Variants in MECOM observed in about 807,000 individuals in gnomAD.
MECOM encodes the protein MDS1 and EVI1 complex locus, also known as histone-lysine N-methyltransferase MECOM.
Under a neutral mutation model 116.3 loss-of-function variants are expected in MECOM, and 13 were observed. The observed-to-expected ratio is 0.11, with a 90% confidence interval of 0.07 to 0.18. The LOEUF is 0.18. Among genes scored for constraint, MECOM ranks in the 10% least tolerant of loss-of-function variants. MECOM has a pLI of 1.00. For missense variants in MECOM, 1,299 were observed against 1,509.0 expected (o/e 0.86, Z 2.31); for synonymous variants, 528 against 535.2 (o/e 0.99, Z 0.19).
intron 2 of MECOM, among the ~76,000 whole-genome samples, chr3:169,276,640 C>G (rs1427637479): frequency 2.0e-5 from 3 of 151,742 alleles, no homozygotes; most frequent in Non-Finnish European, 4.4e-5. Context: ...TCTGCTCCCT[C>G]TCCTCAAAGG....
At chr3:169,381,053 A>T in intron 2 of MECOM, 134 bp downstream of exon 2, 1 of 789,622 alleles carries the variant, frequency 1.3e-6, no homozygotes, top group Non-Finnish European at 2.0e-6. Flanking sequence ...GAGATTGTAA[A>T]GGAAGTTTAT....
chr3:169,340,933 G>A (rs1407020396), intron 2 of MECOM, among the ~76,000 whole-genome samples: 2 of 152,116 alleles, frequency 1.3e-5, no homozygotes, highest in African/African-American at 4.8e-5. Context: ...AGACAAGCAG[G>A]TGGAACATTA....
intron 1 of MECOM, among the ~76,000 whole-genome samples, chr3:169,404,159 T>A (rs780493637): frequency 1.3e-5 from 2 of 152,192 alleles, no homozygotes; most frequent in East Asian, 1.9e-4. Flanking sequence ...TCAAGAGTTT[T>A]AAAATTTTTT....
intron 2 of MECOM, among the ~76,000 whole-genome samples, chr3:169,311,877 C>T (rs1373391282): frequency 1.3e-5 from 2 of 151,968 alleles, no homozygotes; most frequent in Admixed American, 1.3e-4. Flanking sequence ...AAGTTGATAC[C>T]GTGGTTTAAG....
chr3:169,376,694 GA>G lies in MECOM; in HGVS notation c.375+4492del, dbSNP rs1181807145. On this transcript the variant is annotated intron_variant, in intron 2 of 16. Coordinates refer to ENST00000651503, the MANE Select transcript of MECOM (RefSeq NM_004991.4). ...AAAATAAGAGAGGACACAAAAAATG[GA>G]AAAAAATTCCATGCTAATGGATAGG... 2.0e-5 allele frequency among the ~76,000 whole-genome samples: 3 copies of G among 152,068 alleles called. No individual in the cohort carries two copies. The South Asian group carries it at 6.2e-4, about 32-fold the overall frequency.
At chr3:169,220,705 C>G (rs1452077977) in intron 2 of MECOM, among the ~76,000 whole-genome samples, 1 of 152,138 alleles carries the variant, frequency 6.6e-6, no homozygotes, top group Non-Finnish European at 1.5e-5. Flanking sequence ...AAACTCCTGA[C>G]ATCAGGTGAT....
At chr3:169,259,717 T>A (rs748580075) in intron 2 of MECOM, among the ~76,000 whole-genome samples, 4 of 152,176 alleles carry the variant, frequency 2.6e-5, no homozygotes, top group African/African-American at 7.2e-5. Flanking sequence ...AACAGAGTAA[T>A]ACCCTGTCTC....
chr3:169,436,418 T>A lies in MECOM; in HGVS notation c.38-54894A>T, dbSNP rs1031388549. 3.9e-5 allele frequency among the ~76,000 whole-genome samples: 6 copies of A among 152,094 alleles called. No homozygotes were observed. In the East Asian group the frequency reaches 1.2e-3, roughly 29 times the overall value. Reference sequence around the variant, plus strand: ...GGCATGCGCCACCACGCCTGGCTAATTTTGTATTTTCATTAGAGACGGGGT... The same window carrying A: ...GGCATGCGCCACCACGCCTGGCTAAATTTGTATTTTCATTAGAGACGGGGT... On this transcript the variant is annotated intron_variant, in intron 1 of 16. Transcript: ENST00000651503.
At chr3:169,442,336 GGGTGTAAGCC>G (rs1234690919) in intron 1 of MECOM, among the ~76,000 whole-genome samples, 2 of 152,196 alleles carry the variant, frequency 1.3e-5, no homozygotes, top group Non-Finnish European at 2.9e-5. Context: ...GCTGGGATCA[GGGTGTAAGCC>G]ACCTTGCCCA....
Position 169,223,752 on chromosome 3 carries a change from T to G in MECOM, c.376-79920A>C, listed in dbSNP as rs78174096. Among the ~76,000 whole-genome samples, 34 of 152,296 alleles carry G rather than the reference T, an allele frequency of 2.2e-4. No homozygotes were observed. The East Asian group carries it at 6.0e-3, about 27-fold the overall frequency. ...AATAGTACTACAATATCCAACCACT[T>G]GATTTAACAGTATGTACATAGGAAA... On this transcript the variant is annotated intron_variant, in intron 2 of 16. Coordinates refer to ENST00000651503, the MANE Select transcript of MECOM (RefSeq NM_004991.4).
intron 1 of MECOM, among the ~76,000 whole-genome samples, chr3:169,544,268 C>T (rs1270311532): frequency 6.6e-6 from 1 of 152,206 alleles, no homozygotes; most frequent in African/African-American, 2.4e-5. Flanking sequence ...GGCACATATG[C>T]ACCCAATAAA....
chr3:169,309,033 T>C (rs1309148343), intron 2 of MECOM, among the ~76,000 whole-genome samples: 2 of 152,182 alleles, frequency 1.3e-5, no homozygotes, highest in African/African-American at 4.8e-5. Flanking sequence ...ATATAACCCA[T>C]CATAACACAC....
chr3:169,415,151 C>G (rs148744474), intron 1 of MECOM, among the ~76,000 whole-genome samples: 1 of 152,284 alleles, frequency 6.6e-6, no homozygotes, highest in African/African-American at 2.4e-5. Flanking sequence ...AGGTTACACA[C>G]AAACAGAAGC....
intron 1 of MECOM, among the ~76,000 whole-genome samples, chr3:169,414,842 T>C (rs1284469065): frequency 2.6e-5 from 4 of 151,882 alleles, no homozygotes. Flanking sequence ...GAAAAAAGAA[T>C]AAAAAGGAAT....
intron 2 of MECOM, among the ~76,000 whole-genome samples, chr3:169,210,869 A>G (rs1750634445): frequency 1.3e-5 from 2 of 152,114 alleles, no homozygotes; most frequent in Admixed American, 1.3e-4. Context: ...TTTCATATAA[A>G]TACAATTAGA....
At position 169,594,174 on chromosome 3, in the gene MECOM, A is replaced by AAAAAAAAAAAAAAAAAAAAAACC. The variant is rs1255613781; in HGVS notation, c.37+69161_37+69162insGGTTTTTTTTTTTTTTTTTTTTT. Among the ~76,000 whole-genome samples, 16 of 125,958 alleles carry AAAAAAAAAAAAAAAAAAAAAACC rather than the reference A, an allele frequency of 1.3e-4. 1 individual carries two copies. Among genetic ancestry groups the AAAAAAAAAAAAAAAAAAAAAACC allele is most frequent in the African/African-American group, 5.1e-4 (16 of 31,100 alleles). 82.6% of individuals were successfully genotyped at this position (125,958 alleles called of 152,430 possible). A position where few individuals can be genotyped will look rare whatever the true frequency, so the allele number is the denominator to read the frequency against. ...CACCACAAAAAAAAAAAAAAAAAAA[A>AAAAAAAAAAAAAAAAAAAAAACC]AACACCTTTTCACCTAAGTACCTCA... On this transcript the variant is annotated intron_variant, in intron 1 of 16. Transcript: ENST00000651503.
At chr3:169,324,658 T>C (rs9869781) in intron 2 of MECOM, among the ~76,000 whole-genome samples, 51,157 of 151,982 alleles carry the variant, frequency 0.34, 9,617 homozygotes, top group East Asian at 0.59. Context: ...TTCTCCCTCC[T>C]CTGGTTCACT....
chr3:169,260,155 A>G (rs1200715730), intron 2 of MECOM, among the ~76,000 whole-genome samples: 1 of 152,200 alleles, frequency 6.6e-6, no homozygotes, highest in Non-Finnish European at 1.5e-5. Flanking sequence ...CTTTATTTTT[A>G]GATAATATTG....
chr3:169,606,639 C>T (rs80289984), intron 1 of MECOM, among the ~76,000 whole-genome samples: 18,233 of 152,118 alleles, frequency 0.12, 1,458 homozygotes, highest in East Asian at 0.25. Context: ...CCAAGTTAGG[C>T]AGGCAGTCCC....
Sources: gnomAD v4.1 joint callset for allele counts (sites outside exome capture counted in the v4.1 genomes callset) on GRCh38, gnomAD v4.1.1 for gene constraint, MANE v1.5 for transcripts, NCBI Gene and HGNC (gene_info 2026-07-23, HGNC 2026-07-21) for gene names.